The following EBF2 variants were observed in gnomAD, a reference collection of about 807,000 sequenced individuals.
The protein encoded by EBF2 is transcription factor COE2.
In EBF2, 21 loss-of-function variants were observed where a neutral mutation model predicts 72.8. The observed-to-expected ratio is 0.29, with a 90% CI of 0.20 to 0.42. The LOEUF is 0.42. EBF2 is among the 10% of genes least tolerant of loss of function. The pLI, the probability that EBF2 is intolerant of heterozygous loss-of-function variation, is 1.00. For missense variants in EBF2, 637 were observed against 731.2 expected (o/e 0.87, Z 1.49); for synonymous variants, 299 against 274.2 (o/e 1.09, Z -0.89).
At chr8:25,992,901 C>CAAA (rs34274233) in intron 6 of EBF2, among the ~76,000 whole-genome samples, 5 of 144,524 alleles carry the variant, frequency 3.5e-5, no homozygotes, top group Non-Finnish European at 6.1e-5. Flanking sequence ...GGCCTTGTCT[C>CAAA]AAAAAAAAAA....
At chr8:25,935,415 C>T (rs556084159) in intron 6 of EBF2, among the ~76,000 whole-genome samples, 1 of 152,300 alleles carries the variant, frequency 6.6e-6, no homozygotes, top group East Asian at 1.9e-4. Flanking sequence ...ATCAATAAAG[C>T]TGAACAGATG....
chr8:25,876,747 A>C (rs1424192716), intron 10 of EBF2, among the ~76,000 whole-genome samples: 1 of 152,222 alleles, frequency 6.6e-6, no homozygotes, highest in Admixed American at 6.5e-5. Flanking sequence ...GGAATAAGAC[A>C]TCTAGGATTC....
chr8:25,962,756 AGAGT>A (rs1804054931), intron 6 of EBF2, among the ~76,000 whole-genome samples: 1 of 152,264 alleles, frequency 6.6e-6, no homozygotes, highest in Non-Finnish European at 1.5e-5. Context: ...CAGTTTGATC[AGAGT>A]CAGATGTGAC....
intron 10 of EBF2, among the ~76,000 whole-genome samples, chr8:25,885,907 T>C (rs1211029216): frequency 6.6e-6 from 1 of 152,152 alleles, no homozygotes; most frequent in Non-Finnish European, 1.5e-5. Flanking sequence ...TAAGTTCTAG[T>C]TTAAATACAA....
chr8:25,949,299 A>C (rs1419794851), intron 6 of EBF2, among the ~76,000 whole-genome samples: 1 of 152,232 alleles, frequency 6.6e-6, no homozygotes, highest in Non-Finnish European at 1.5e-5. Flanking sequence ...CTGCTACGTC[A>C]TGCTGTCTTC....
intron 10 of EBF2, among the ~76,000 whole-genome samples, chr8:25,865,221 C>T (rs1323846106): frequency 2.6e-5 from 4 of 152,198 alleles, no homozygotes; most frequent in Non-Finnish European, 4.4e-5. Flanking sequence ...AATAGCAACA[C>T]TCCACCTTCT....
rs932929713 is a variant in EBF2, at chr8:25,866,442, T to A, written c.1010-3645A>T. ...TGGCCAGATTTTTTATTTATATATA[T>A]AATATATATATATATATAATATATA... On this transcript the variant is annotated intron_variant, in intron 10 of 15. Transcript: ENST00000520164. 2.6e-5 allele frequency among the ~76,000 whole-genome samples: 3 copies of A among 117,020 alleles called. No homozygotes were observed. In the East Asian group the frequency reaches 6.4e-4, roughly 25 times the overall value. The allele number at this position is 117,020 out of a possible 152,430, so 76.8% of individuals were successfully genotyped here. A position where few individuals can be genotyped will look rare whatever the true frequency, so the allele number is the denominator to read the frequency against.
At chr8:25,959,403 C>T (rs1971265) in intron 6 of EBF2, among the ~76,000 whole-genome samples, 44,264 of 152,020 alleles carry the variant, frequency 0.29, 6,683 homozygotes, top group Middle Eastern at 0.39. Context: ...TAGGATTTCA[C>T]CAAGTTCGTC....
Position 25,861,057 on chromosome 8 carries a change from T to C in EBF2, c.1334A>G (p.Asn445Ser). ...TCTAAGAAAGGTGGTACCTTGATTA[T>C]TTCCTTGTGTTGACTCTGAGATGCT... ...GVSISESTQG[N>S]NQGYIRNTSS... Residue 445 changes from asparagine to serine, a missense_variant, in exon 13 of 16, where the codon AAT (asparagine) becomes AGT (serine). Asn to Ser is a conservative substitution (Grantham distance 46, BLOSUM62 1). Around this residue, in one of 3 missense-constraint regions of EBF2, gnomAD observed 259 missense variants for 268.1 expected, o/e 0.97. Transcript: ENST00000520164. 2 of 1,614,164 alleles carry C rather than the reference T, an allele frequency of 1.2e-6. No individual in the cohort carries two copies. The highest frequency in any genetic ancestry group is 1.7e-6 in the Non-Finnish European group (2 of 1,180,018).
intron 6 of EBF2, among the ~76,000 whole-genome samples, chr8:25,955,042 G>T (rs1803922757): frequency 6.6e-6 from 1 of 152,222 alleles, no homozygotes; most frequent in Non-Finnish European, 1.5e-5. Context: ...GCTCTGGGAG[G>T]ATCAGAGGGT....
intron 6 of EBF2, among the ~76,000 whole-genome samples, chr8:25,947,181 G>T (rs144997564): frequency 1.6e-3 from 237 of 152,286 alleles, no homozygotes; most frequent in Non-Finnish European, 2.8e-3. Flanking sequence ...TCATGGAAGG[G>T]ACCAGGTGGG....
chr8:26,005,874 C>T (rs1244510211), intron 6 of EBF2, among the ~76,000 whole-genome samples: 3 of 151,240 alleles, frequency 2.0e-5, no homozygotes, highest in South Asian at 2.1e-4. Context: ...AAGACTCATG[C>T]TTTGAAGCAC....
intron 6 of EBF2, among the ~76,000 whole-genome samples, chr8:26,010,310 G>A (rs1563207504): frequency 6.6e-6 from 1 of 152,198 alleles, no homozygotes; most frequent in Non-Finnish European, 1.5e-5. Flanking sequence ...CCTAGTGGCT[G>A]CTCACTGCTC....
chr8:25,855,499 G>C (rs945450574), intron 14 of EBF2, among the ~76,000 whole-genome samples: 10 of 152,166 alleles, frequency 6.6e-5, no homozygotes, highest in African/African-American at 2.4e-4. Flanking sequence ...AGTCAAACTT[G>C]ACTAAGAAGC....
At chr8:26,028,759 C>T (rs1805345501) in intron 6 of EBF2, among the ~76,000 whole-genome samples, 2 of 152,298 alleles carry the variant, frequency 1.3e-5, no homozygotes, top group South Asian at 4.1e-4. Flanking sequence ...CCACACAGGC[C>T]TTTATAGACA....
intron 6 of EBF2, among the ~76,000 whole-genome samples, chr8:25,966,145 T>C (rs1804111464): frequency 6.6e-6 from 1 of 152,232 alleles, no homozygotes; most frequent in East Asian, 1.9e-4. Context: ...AAGAGGGCTT[T>C]TGCTCAAGGC....
At chr8:25,942,908 A>C (rs1168600247) in intron 6 of EBF2, among the ~76,000 whole-genome samples, 1 of 152,164 alleles carries the variant, frequency 6.6e-6, no homozygotes, top group Non-Finnish European at 1.5e-5. Context: ...ACTACAGGAC[A>C]TGTCACTGAT....
At chr8:26,031,616 A>T (rs2117256135) in intron 6 of EBF2, 1 of 151,670 alleles carries the variant, frequency 6.6e-6, no homozygotes, top group Admixed American at 6.6e-5. Flanking sequence ...TTGTATTTTT[A>T]GTAAAGTCTG....
chr8:25,960,449 T>G (rs936443352), intron 6 of EBF2, among the ~76,000 whole-genome samples: 1 of 152,210 alleles, frequency 6.6e-6, no homozygotes, highest in African/African-American at 2.4e-5. Context: ...ACAACCTTTA[T>G]GTACACATGA....
Sources: allele counts gnomAD v4.1 joint callset (sites outside exome capture counted in the v4.1 genomes callset), GRCh38; gene constraint gnomAD v4.1.1; regional missense constraint gnomAD v4.1.1; transcripts MANE v1.5; gene names NCBI Gene and HGNC (gene_info 2026-07-23, HGNC 2026-07-21).